Variants in MAP7 observed in about 807,000 individuals in gnomAD.
The protein encoded by MAP7 is microtubule associated protein 7.
A neutral mutation model predicts 94.8 loss-of-function variants in MAP7; 52 were observed. That is an observed-to-expected ratio of 0.55 (90% CI 0.44 to 0.69). The LOEUF (loss-of-function observed/expected upper bound fraction) is 0.69, where lower values mean the gene tolerates loss of function less well. Among genes scored for constraint, MAP7 ranks in the 30% least tolerant of loss-of-function variants. The probability of loss-of-function intolerance (pLI) is 0.00; values close to 1 mark genes in which losing one functional copy is unlikely to be tolerated. For synonymous variants in MAP7, 350 were observed against 357.0 expected (o/e 0.98, Z 0.22); for missense variants, 940 against 964.6 (o/e 0.97, Z 0.34).
chr6:136,381,329 C>A (rs1158889568), intron 6 of MAP7, among the ~76,000 whole-genome samples: 1 of 152,016 alleles, frequency 6.6e-6, no homozygotes, highest in African/African-American at 2.4e-5. Context: ...CAGGTGCACA[C>A]CATCACGCTT....
At chr6:136,366,915 A>T (rs564182364) in intron 8 of MAP7, among the ~76,000 whole-genome samples, 4 of 152,210 alleles carry the variant, frequency 2.6e-5, no homozygotes, top group Admixed American at 1.3e-4. Flanking sequence ...TATATTAGAC[A>T]TAAACTCATT....
intron 1 of MAP7, among the ~76,000 whole-genome samples, chr6:136,533,423 T>C (rs1828634219): frequency 6.6e-6 from 1 of 152,172 alleles, no homozygotes; most frequent in Admixed American, 6.5e-5. Flanking sequence ...ACCAATTCAG[T>C]GTATGACTTT....
intron 1 of MAP7, among the ~76,000 whole-genome samples, chr6:136,465,286 T>TA (rs1179631175): frequency 6.6e-6 from 1 of 152,216 alleles, no homozygotes; most frequent in African/African-American, 2.4e-5. Context: ...TCTGGATTTT[T>TA]AAAAAATTCT....
chr6:136,396,086 T>G (rs567563873), intron 3 of MAP7, among the ~76,000 whole-genome samples: 11 of 152,120 alleles, frequency 7.2e-5, no homozygotes, highest in Non-Finnish European at 1.2e-4. Context: ...TTTTTTTCTG[T>G]TTTTGTGAAG....
intron 1 of MAP7, among the ~76,000 whole-genome samples, chr6:136,445,160 C>T (rs1314205890): frequency 6.6e-6 from 1 of 152,136 alleles, no homozygotes; most frequent in Admixed American, 6.5e-5. Context: ...AAACTAGTTG[C>T]AGAAAGGCCT....
intron 14 of MAP7, 46 bp from the exon 15 acceptor site, chr6:136,359,923 G>C: frequency 6.2e-7 from 1 of 1,609,034 alleles, no homozygotes; most frequent in South Asian, 1.1e-5. Flanking sequence ...AGAGTTACAA[G>C]TGAAAATGAA....
intron 10 of MAP7, among the ~76,000 whole-genome samples, chr6:136,365,498 A>C (rs1462811041): frequency 2.0e-5 from 3 of 152,240 alleles, no homozygotes; most frequent in Non-Finnish European, 4.4e-5. Context: ...CTTAAACTCC[A>C]GTATGCACAG....
At chr6:136,526,307 C>G in intron 1 of MAP7, 1 of 1,009,994 alleles carries the variant, frequency 9.9e-7, no homozygotes, top group Non-Finnish European at 1.2e-6. Flanking sequence ...ACACTCCTTC[C>G]AGAAAAGCCC....
chr6:136,409,014 C>A (rs566733676), intron 3 of MAP7, among the ~76,000 whole-genome samples: 4 of 151,064 alleles, frequency 2.6e-5, no homozygotes, highest in African/African-American at 7.3e-5. Context: ...TTGAAGGGAG[C>A]CTCTCAAGAC....
intron 1 of MAP7, among the ~76,000 whole-genome samples, chr6:136,465,885 A>T (rs1270946369): frequency 6.6e-6 from 1 of 152,192 alleles, no homozygotes; most frequent in African/African-American, 2.4e-5. Flanking sequence ...TTATAACACA[A>T]ATTTGCAAAT....
At chr6:136,472,795 T>C (rs559844536) in intron 1 of MAP7, among the ~76,000 whole-genome samples, 7 of 152,130 alleles carry the variant, frequency 4.6e-5, no homozygotes, top group Non-Finnish European at 1.0e-4. Flanking sequence ...AGCTTTAGCC[T>C]ACCAACTCAT....
chr6:136,520,284 A>G (rs558075633), intron 1 of MAP7, among the ~76,000 whole-genome samples: 42 of 152,270 alleles, frequency 2.8e-4, no homozygotes, highest in African/African-American at 8.9e-4. Flanking sequence ...ACTAATAGAC[A>G]AATGCAGTTT....
At position 136,344,085 on chromosome 6, in the gene MAP7, C is replaced by T. The variant is rs1449853134; in HGVS notation, c.*143G>A. The T allele has an allele frequency of 2.6e-6, 1 of 390,720 alleles. No homozygotes were observed. Among genetic ancestry groups the T allele is most frequent in the African/African-American group, 2.1e-5 (1 of 48,170 alleles). 24.2% of individuals were successfully genotyped at this position (390,720 alleles called of 1,614,324 possible). On this transcript the variant is annotated 3_prime_UTR_variant, in exon 18 of 18. Coordinates refer to ENST00000354570, the MANE Select transcript of MAP7 (RefSeq NM_003980.6). ...AAGCTATCCAGTCTGTTGTCTTTAG[C>T]TAGTTTTAATAAATCTTTTCAAAAT...
chr6:136,477,647 A>T (rs770045238), intron 1 of MAP7, among the ~76,000 whole-genome samples: 9 of 152,250 alleles, frequency 5.9e-5, no homozygotes, highest in Non-Finnish European at 1.2e-4. Flanking sequence ...CCAATACTGG[A>T]GCACTCAGAA....
chr6:136,396,703 T>C lies in MAP7; in HGVS notation c.245-7186A>G, dbSNP rs527282793. ...TCACCCATAACTGTTTGGTCCTGGGTAAATTGCTTAACCTCCCTATTCCTC... is the reference window on the plus strand; with the variant it reads ...TCACCCATAACTGTTTGGTCCTGGGCAAATTGCTTAACCTCCCTATTCCTC... On this transcript the variant is annotated intron_variant, in intron 3 of 17. Coordinates refer to ENST00000354570, the MANE Select transcript of MAP7 (RefSeq NM_003980.6). Among the ~76,000 whole-genome samples the C allele has an allele frequency of 3.9e-5, 6 of 152,276 alleles. 1 individual carries two copies. The South Asian group carries it at 1.2e-3, about 32-fold the overall frequency.
Position 136,416,786 on chromosome 6 carries a change from AC to A in MAP7, c.166+4914del, listed in dbSNP as rs1219221101. 2.0e-5 allele frequency among the ~76,000 whole-genome samples: 3 copies of A among 151,740 alleles called. No individual in the cohort carries two copies. The East Asian group carries it at 5.8e-4, about 29-fold the overall frequency. On this transcript the variant is annotated intron_variant, in intron 2 of 17. Coordinates refer to ENST00000354570, the MANE Select transcript of MAP7 (RefSeq NM_003980.6). ...GCACCACTGCACTCCAGCATGGGTGACAGGACGAGACTACGTCTCAAAAAAA... is the reference window on the plus strand; with the variant it reads ...GCACCACTGCACTCCAGCATGGGTGAAGGACGAGACTACGTCTCAAAAAAA...
chr6:136,380,424 T>G (rs1021129531), intron 6 of MAP7, among the ~76,000 whole-genome samples: 2 of 152,228 alleles, frequency 1.3e-5, no homozygotes, highest in Non-Finnish European at 2.9e-5. Flanking sequence ...CAATTAATTC[T>G]AATTAAAACA....
intron 1 of MAP7, among the ~76,000 whole-genome samples, chr6:136,471,657 G>A (rs961773134): frequency 1.6e-4 from 24 of 152,134 alleles, no homozygotes; most frequent in African/African-American, 5.5e-4. Flanking sequence ...AGTTACAAAC[G>A]TACCCCGCAT....
In MAP7 at chr6:136,361,422, G is replaced by A. The variant is rs573999213; in HGVS notation, c.1527-243C>T. On this transcript the variant is annotated intron_variant, in intron 11 of 17. Transcript: ENST00000354570. ...AACGTGTAACCACCAATATCTTGGG[G>A]AGAGCTGGCTTTTTGGAAGGAATTT... Among the ~76,000 whole-genome samples, 3 of 152,326 alleles carry A rather than the reference G, an allele frequency of 2.0e-5. No homozygotes were observed. The East Asian group carries it at 5.8e-4, about 29-fold the overall frequency.
Sources: gnomAD v4.1 joint callset for allele counts (sites outside exome capture counted in the v4.1 genomes callset) on GRCh38, gnomAD v4.1.1 for gene constraint, MANE v1.5 for transcripts, NCBI Gene and HGNC (gene_info 2026-07-23, HGNC 2026-07-21) for gene names.